The following PECR variants were observed in gnomAD, a reference collection of about 807,000 sequenced individuals.
PECR encodes 2,4-dienoyl-CoA reductase-related protein.
Under a neutral mutation model 35.3 loss-of-function variants are expected in PECR, and 30 were observed. The ratio of observed to expected loss-of-function variants is 0.85; its 90% CI spans 0.64 to 1.15. The LOEUF is 1.15. PECR is among the 50% of genes most tolerant of loss of function. The pLI, the probability that PECR is intolerant of heterozygous loss-of-function variation, is 0.00. For synonymous variants in PECR, 148 were observed against 138.9 expected (o/e 1.07, Z -0.46); for missense variants, 392 against 370.8 (o/e 1.06, Z -0.47).
intron 1 of PECR, among the ~76,000 whole-genome samples, chr2:216,069,663 C>A (rs1695548086): frequency 6.6e-6 from 1 of 152,010 alleles, no homozygotes; most frequent in Non-Finnish European, 1.5e-5. Flanking sequence ...TGGGGCCAGG[C>A]ATGGTGGCTC....
At chr2:216,081,502 G>A in intron 1 of PECR, 116 bp downstream of exon 1, 2 of 1,330,194 alleles carry the variant, frequency 1.5e-6, no homozygotes, top group South Asian at 2.4e-5. Context: ...CACCTGCCCC[G>A]TCTTTGCTCT....
chr2:216,062,733 A>G (rs1220023290), intron 3 of PECR, among the ~76,000 whole-genome samples: 1 of 152,240 alleles, frequency 6.6e-6, no homozygotes, highest in Non-Finnish European at 1.5e-5. Flanking sequence ...ACATGTCAAT[A>G]CAGTCATGTG....
At chr2:216,070,335 A>ACT (rs1695564947) in intron 1 of PECR, among the ~76,000 whole-genome samples, 1 of 151,982 alleles carries the variant, frequency 6.6e-6, no homozygotes, top group African/African-American at 2.4e-5. Context: ...CTATTCTCGG[A>ACT]ATTTTGAAAT....
intron 4 of PECR, among the ~76,000 whole-genome samples, chr2:216,053,914 T>G (rs1039843262): frequency 3.3e-5 from 5 of 152,192 alleles, no homozygotes; most frequent in African/African-American, 1.2e-4. Context: ...GGTAAACTTG[T>G]GTTTTTCAAG....
chr2:216,075,987 T>C (rs762981701), intron 1 of PECR, among the ~76,000 whole-genome samples: 3 of 152,228 alleles, frequency 2.0e-5, no homozygotes, highest in Non-Finnish European at 2.9e-5. Context: ...GATGCTAGGT[T>C]TTCCTTGATG....
rs1250369512 is a variant in PECR at position 216,039,009 on chromosome 2, A to G, written c.*266T>C. 5.9e-5 allele frequency: 19 copies of G among 319,866 alleles called. No individual in the cohort carries two copies. In the East Asian group the frequency reaches 1.4e-3, roughly 23 times the overall value. 19.8% of individuals were successfully genotyped at this position (319,866 alleles called of 1,614,324 possible). Reference sequence around the variant, plus strand: ...TTGATTTAAAATTATTCCATTTTTCAAATACTTTTCTTAGAAATAAAAAGT... The same window carrying G: ...TTGATTTAAAATTATTCCATTTTTCGAATACTTTTCTTAGAAATAAAAAGT... On this transcript the variant is annotated 3_prime_UTR_variant, in exon 8 of 8. Transcript: ENST00000265322.
At chr2:216,057,305 G>A (rs918945960) in intron 4 of PECR, among the ~76,000 whole-genome samples, 36 of 152,062 alleles carry the variant, frequency 2.4e-4, no homozygotes, top group African/African-American at 8.7e-4. Context: ...ACTGGAAAAT[G>A]GTTACACAAA....
intron 1 of PECR, among the ~76,000 whole-genome samples, chr2:216,068,971 G>A (rs1197819394): frequency 6.6e-6 from 1 of 152,086 alleles, no homozygotes; most frequent in South Asian, 2.1e-4. Context: ...TATAACATAT[G>A]TAGAAATAAA....
At chr2:216,053,003 G>A (rs777415648) in intron 4 of PECR, among the ~76,000 whole-genome samples, 4 of 151,652 alleles carry the variant, frequency 2.6e-5, no homozygotes, top group Admixed American at 6.6e-5. Flanking sequence ...ATAGGAGTGC[G>A]CCATCACGCC....
At chr2:216,074,216 C>T (rs1651955) in intron 1 of PECR, among the ~76,000 whole-genome samples, 4 of 152,068 alleles carry the variant, frequency 2.6e-5, no homozygotes, top group Non-Finnish European at 5.9e-5. Context: ...AGGCCAAGGC[C>T]GGTGGATCGC....
intron 7 of PECR, among the ~76,000 whole-genome samples, chr2:216,030,550 A>ATTT (rs538194722): frequency 6.8e-6 from 1 of 148,140 alleles, no homozygotes; most frequent in African/African-American, 2.5e-5. Context: ...ATATTTTGCA[A>ATTT]TTTTTTTTTT....
At position 216,065,364 on chromosome 2, in the gene PECR, C is replaced by G. The variant is rs1440530370; in HGVS notation, c.372G>C (p.Trp124Cys). The change falls in exon 3 of 8, where the codon TGG becomes TGC. Residue 124 changes from tryptophan (W) to cysteine (C), a missense_variant. Transcript: ENST00000265322. ...SPAEHISSKGWHAVLETNLTG... is the reference protein window; with the variant it reads ...SPAEHISSKGCHAVLETNLTG... ...TCAGGTTGGTCTCAAGCACAGCGTG[C>G]CATCCCTTAGAACTGATGTGTTCAG... The G allele has an allele frequency of 6.2e-7, 1 of 1,610,818 alleles. No homozygotes were observed. The highest frequency in any genetic ancestry group is 1.7e-5 in the Admixed American group (1 of 60,010).
chr2:216,081,773 C>A lies in PECR; in HGVS notation c.-32G>T, dbSNP rs758409883. The A allele has an allele frequency of 6.2e-6, 10 of 1,609,860 alleles. No homozygotes were observed. The highest frequency in any genetic ancestry group is 7.6e-6 in the Non-Finnish European group (9 of 1,179,366). ...AGCGGGGTGCCAGAGCAGCTGAGCG[C>A]AGGCCCTTCTGGGTCTCAGGGACAT... On this transcript the variant is annotated 5_prime_UTR_variant, in exon 1 of 8. Transcript: ENST00000265322.
chr2:216,054,798 T>C (rs533078625), intron 4 of PECR, among the ~76,000 whole-genome samples: 1 of 152,256 alleles, frequency 6.6e-6, no homozygotes, highest in Non-Finnish European at 1.5e-5. Flanking sequence ...AGTTAAAAAA[T>C]GAATTTGGGG....
chr2:216,034,115 G>T (rs772136284), downstream of PECR: 21 of 152,212 alleles, frequency 1.4e-4, no homozygotes, highest in Non-Finnish European at 2.6e-4. Flanking sequence ...AGCAGGTCTT[G>T]CATCCTAAGA....
At chr2:216,048,161 G>A (rs1004201897) in intron 6 of PECR, among the ~76,000 whole-genome samples, 16 of 151,726 alleles carry the variant, frequency 1.1e-4, no homozygotes, top group South Asian at 4.2e-4. Flanking sequence ...TGCAAGCTCC[G>A]CCTCCCGGGT....
Position 216,065,479 on chromosome 2 carries a change from T to G in PECR, c.259-2A>C, listed in dbSNP as rs1396742633. ...GGTAGATTTGACCAAATTATTCACC[T>G]AAAGAAGAACAGTAGAAGTTACTAA... On this transcript the variant is annotated splice_acceptor_variant, in intron 2 of 7. Transcript: ENST00000265322. LOFTEE classifies it high-confidence loss of function. 1.3e-6 allele frequency: 2 copies of G among 1,575,060 alleles called. No homozygotes were observed. The highest frequency in any genetic ancestry group is 1.7e-6 in the Non-Finnish European group (2 of 1,144,414).
chr2:216,040,469 G>C (rs530242096), intron 7 of PECR, among the ~76,000 whole-genome samples: 3 of 152,134 alleles, frequency 2.0e-5, no homozygotes, highest in African/African-American at 7.2e-5. Context: ...GCCCAGGCTG[G>C]TCTTGAATTC....
At chr2:216,080,463 A>AT (rs1695815410) in intron 1 of PECR, among the ~76,000 whole-genome samples, 2 of 152,106 alleles carry the variant, frequency 1.3e-5, no homozygotes, top group Admixed American at 6.6e-5. Flanking sequence ...GGTAATTTCC[A>AT]TTTTTTCACT....
Sources: gnomAD v4.1 joint callset for allele counts (sites outside exome capture counted in the v4.1 genomes callset) on GRCh38, gnomAD v4.1.1 for gene constraint, MANE v1.5 for transcripts, NCBI Gene and HGNC (gene_info 2026-07-23, HGNC 2026-07-21) for gene names.